SLC35F1: variants seen among roughly 807,000 people sequenced by gnomAD.
SLC35F1 encodes the protein chromosome 6 open reading frame 169.
SLC35F1 carries 14 observed loss-of-function variants against 48.7 expected under a neutral mutation model. That is an observed-to-expected ratio of 0.29 (90% CI 0.19 to 0.45). The LOEUF (loss-of-function observed/expected upper bound fraction) is 0.45. Among genes scored for constraint, SLC35F1 ranks in the 20% least tolerant of loss-of-function variants. The probability of loss-of-function intolerance (pLI) is 1.00; values close to 1 mark genes in which losing one functional copy is unlikely to be tolerated. For missense variants in SLC35F1, 404 were observed against 500.0 expected, an observed-to-expected ratio of 0.81 and a Z score of 1.83; for synonymous variants, 190 against 202.2, an observed-to-expected ratio of 0.94 and a Z score of 0.51.
intron 1 of SLC35F1, among the ~76,000 whole-genome samples, chr6:118,038,382 A>T (rs1772164409): frequency 6.6e-6 from 1 of 151,956 alleles, no homozygotes. Context: ...TCCTGGCAAT[A>T]ATGATAATAA....
intron 1 of SLC35F1, among the ~76,000 whole-genome samples, chr6:117,984,893 C>T (rs1229562374): frequency 1.3e-5 from 2 of 152,140 alleles, no homozygotes; most frequent in African/African-American, 4.8e-5. Context: ...GATGTGGAAG[C>T]GCTAGTCCTT....
chr6:117,922,241 G>A (rs1230693480), intron 1 of SLC35F1, among the ~76,000 whole-genome samples: 1 of 152,160 alleles, frequency 6.6e-6, no homozygotes, highest in African/African-American at 2.4e-5. Context: ...TTGTATGGTA[G>A]TTAGGTAGTC....
chr6:118,256,205 GGTGTGT>G (rs71554895), intron 3 of SLC35F1, among the ~76,000 whole-genome samples: 18,452 of 142,624 alleles, frequency 0.13, 1,155 homozygotes, highest in Middle Eastern at 0.17. Flanking sequence ...GAAGACTTCT[GGTGTGT>G]GTGTGTGTGT....
At chr6:118,300,615 A>G (rs1334286746) in intron 7 of SLC35F1, among the ~76,000 whole-genome samples, 1 of 152,204 alleles carries the variant, frequency 6.6e-6, no homozygotes, top group Non-Finnish European at 1.5e-5. Context: ...CAAAATTATA[A>G]CAGACACTGG....
chr6:117,990,148 A>C (rs1776898489), intron 1 of SLC35F1, among the ~76,000 whole-genome samples: 2 of 152,144 alleles, frequency 1.3e-5, no homozygotes, highest in Admixed American at 1.3e-4. Flanking sequence ...ATTATTTAAA[A>C]ATTAAAAAAT....
rs1297361576 is a variant in SLC35F1 at position 117,976,314 on chromosome 6, C to A, written c.173+68415C>A. The stretch of plus-strand genomic sequence containing the variant: ...TCACCTCCAAGGTAAACCGGAGAAA[C>A]CCTGGCTGAAAGAAAACTGCTAATT... On this transcript the variant is annotated intron_variant, in intron 1 of 7. Coordinates refer to ENST00000360388, the MANE Select transcript of SLC35F1 (RefSeq NM_001029858.4). 2.0e-5 allele frequency among the ~76,000 whole-genome samples: 3 copies of A among 152,256 alleles called. No homozygotes were observed. In the South Asian group the frequency reaches 6.2e-4, roughly 32 times the overall value.
At chr6:117,923,758 C>CATATGTAT (rs1775969200) in intron 1 of SLC35F1, among the ~76,000 whole-genome samples, 1 of 51,830 alleles carries the variant, frequency 1.9e-5, no homozygotes, top group South Asian at 1.3e-3. Context: ...TACATATATA[C>CATATGTAT]ATATGCACAT....
At chr6:117,924,097 G>A (rs1255304558) in intron 1 of SLC35F1, among the ~76,000 whole-genome samples, 8 of 131,454 alleles carry the variant, frequency 6.1e-5, no homozygotes, top group African/African-American at 1.8e-4. Context: ...ACACACATAG[G>A]TACACATGCA....
intron 1 of SLC35F1, among the ~76,000 whole-genome samples, chr6:118,124,895 C>T (rs1040582061): frequency 6.6e-6 from 1 of 152,108 alleles, no homozygotes; most frequent in African/African-American, 2.4e-5. Flanking sequence ...TTCCACCACT[C>T]AATATTCTTC....
chr6:118,053,164 T>C (rs1772414987), intron 1 of SLC35F1, among the ~76,000 whole-genome samples: 1 of 152,180 alleles, frequency 6.6e-6, no homozygotes, highest in Non-Finnish European at 1.5e-5. Context: ...ATGTTGATAA[T>C]TTCAGATTTT....
chr6:117,984,850 T>C (rs1250078917), intron 1 of SLC35F1, among the ~76,000 whole-genome samples: 2 of 152,204 alleles, frequency 1.3e-5, no homozygotes, highest in Admixed American at 6.5e-5. Flanking sequence ...CCAGAGTGCA[T>C]GACAGAGCTG....
chr6:118,254,865 A>G (rs1338193717), intron 3 of SLC35F1, among the ~76,000 whole-genome samples: 1 of 152,214 alleles, frequency 6.6e-6, no homozygotes, highest in Non-Finnish European at 1.5e-5. Context: ...CTGACTTAAG[A>G]CAACCACTTC....
intron 1 of SLC35F1, among the ~76,000 whole-genome samples, chr6:118,137,805 T>C (rs1309439833): frequency 6.6e-6 from 1 of 152,134 alleles, no homozygotes; most frequent in Non-Finnish European, 1.5e-5. Context: ...TCTAGGTCCC[T>C]ATCATTTATA....
At chr6:118,219,242 T>G (rs1243951573) in intron 2 of SLC35F1, among the ~76,000 whole-genome samples, 1 of 152,194 alleles carries the variant, frequency 6.6e-6, no homozygotes, top group Non-Finnish European at 1.5e-5. Flanking sequence ...ATCTATATCA[T>G]GTATGTTTCA....
chr6:117,976,873 A>G (rs1776712731), intron 1 of SLC35F1, among the ~76,000 whole-genome samples: 1 of 152,214 alleles, frequency 6.6e-6, no homozygotes, highest in African/African-American at 2.4e-5. Context: ...TTTCATGTAT[A>G]ATTGTAATCA....
At position 117,923,602 on chromosome 6, in the gene SLC35F1, TATATAC is replaced by T. The variant is rs1232840496; in HGVS notation, c.173+15714_173+15719del. Among the ~76,000 whole-genome samples, 49 of 31,490 alleles carry T rather than the reference TATATAC, an allele frequency of 1.6e-3. 13 individuals carry two copies. Among genetic ancestry groups the T allele is most frequent in the African/African-American group, 0.014 (49 of 3,598 alleles). The allele number at this position is 31,490 out of a possible 152,430, so 20.7% of individuals were successfully genotyped here. A position where few individuals can be genotyped will look rare whatever the true frequency, so the allele number is the denominator to read the frequency against. The stretch of plus-strand genomic sequence containing the variant: ...GTGTGTGTATATATACATATGTGTA[TATATAC>T]ATATACATATGTATATATACATATA... On this transcript the variant is annotated intron_variant, in intron 1 of 7. Coordinates refer to ENST00000360388, the MANE Select transcript of SLC35F1 (RefSeq NM_001029858.4).
intron 1 of SLC35F1, among the ~76,000 whole-genome samples, chr6:118,066,979 A>G (rs1166077287): frequency 6.6e-6 from 1 of 152,176 alleles, no homozygotes; most frequent in Non-Finnish European, 1.5e-5. Flanking sequence ...CATAGGTACC[A>G]TAGGTGATTT....
intron 1 of SLC35F1, among the ~76,000 whole-genome samples, chr6:117,917,396 G>C (rs939913980): frequency 4.0e-5 from 6 of 151,812 alleles, no homozygotes; most frequent in African/African-American, 1.5e-4. Flanking sequence ...TTGGAGAATG[G>C]ATTGCGGGAG....
chr6:118,272,765 G>GTGTA (rs371830190), intron 4 of SLC35F1, among the ~76,000 whole-genome samples: 1 of 133,136 alleles, frequency 7.5e-6, no homozygotes, highest in African/African-American at 3.0e-5. Context: ...ATATATATAT[G>GTGTA]TATATATATA....
Sources: allele counts gnomAD v4.1 joint callset (sites outside exome capture counted in the v4.1 genomes callset), GRCh38; gene constraint gnomAD v4.1.1; transcripts MANE v1.5; gene names NCBI Gene and HGNC (gene_info 2026-07-23, HGNC 2026-07-21).